The following CD109 variants were observed in gnomAD, a reference collection of about 807,000 sequenced individuals.
CD109 encodes CD109 antigen.
A neutral mutation model predicts 165.8 loss-of-function variants in CD109; 149 were observed. The ratio of observed to expected loss-of-function variants is 0.90; its 90% CI spans 0.79 to 1.03. CD109 has a LOEUF of 1.03. Among genes scored for constraint, CD109 ranks in the 50% least tolerant of loss-of-function variants. CD109 has a pLI of 0.00. For missense variants in CD109, 1,712 were observed against 1,677.8 expected, an observed-to-expected ratio of 1.02 and a Z score of -0.36; for synonymous variants, 585 against 592.1, an observed-to-expected ratio of 0.99 and a Z score of 0.18.
intron 2 of CD109, among the ~76,000 whole-genome samples, chr6:73,702,934 A>G (rs1314089881): frequency 6.6e-6 from 1 of 152,240 alleles, no homozygotes; most frequent in Admixed American, 6.5e-5. Flanking sequence ...CGGGAACTCT[A>G]TAAAAGACAC....
rs550668649 is a variant in CD109, at chr6:73,701,823, C to T, written c.247+4251C>T. ...GAGGCTGAGTGCAGTGGCTCACAACCGTAATCCCAGAGCTTGGGAGGCTGA... is the reference window on the plus strand; with the variant it reads ...GAGGCTGAGTGCAGTGGCTCACAACTGTAATCCCAGAGCTTGGGAGGCTGA... On this transcript the variant is annotated intron_variant, in intron 2 of 32. Transcript: ENST00000287097. 5.3e-5 allele frequency among the ~76,000 whole-genome samples: 8 copies of T among 152,150 alleles called. No individual in the cohort carries two copies. The South Asian group carries it at 1.2e-3, about 24-fold the overall frequency.
Position 73,787,514 on chromosome 6 carries a change from G to GTT in CD109, c.2556+67_2556+68dup, listed in dbSNP as rs35066559. 46 of 1,318,734 alleles carry GTT rather than the reference G, an allele frequency of 3.5e-5. No individual in the cohort carries two copies. In the South Asian group the frequency reaches 5.2e-4, roughly 15 times the overall value. 81.7% of individuals were successfully genotyped at this position (1,318,734 alleles called of 1,614,324 possible). Reference sequence around the variant, plus strand: ...TACGTAATTAAAAAGGAAGCAGAAGGTTTTTTCTCTTGGTTAAATTTGTTG... The same window carrying GTT: ...TACGTAATTAAAAAGGAAGCAGAAGGTTTTTTTTCTCTTGGTTAAATTTGTTG... On this transcript the variant is annotated intron_variant, in intron 21 of 32. Transcript: ENST00000287097.
intron 2 of CD109, among the ~76,000 whole-genome samples, chr6:73,704,046 G>T (rs1433373163): frequency 2.6e-5 from 4 of 152,046 alleles, no homozygotes; most frequent in Non-Finnish European, 5.9e-5. Context: ...TTAGCCAGGT[G>T]TGGTGGTGGG....
Position 73,762,403 on chromosome 6 carries a change from G to A in CD109, c.778G>A (p.Val260Met). The A allele has an allele frequency of 1.2e-6, 2 of 1,608,752 alleles. No homozygotes were observed. The highest frequency in any genetic ancestry group is 1.1e-5 in the South Asian group (1 of 90,686). Residue 260 changes from valine (V) to methionine (M), a missense_variant, in exon 8 of 33, where the codon GTG (valine) becomes ATG (methionine). Physicochemically the swap from Val to Met is conservative, Grantham distance 21. Coordinates refer to ENST00000287097, the MANE Select transcript of CD109 (RefSeq NM_133493.5). ...ATTCAGGTATACATATGGGAAGCCA[G>A]TGAAAGGAGACGTAACGCTTACATT... ...ITAKYTYGKP[V>M]KGDVTLTFLP...
At chr6:73,681,559 T>C in the CD109 span, among the ~76,000 whole-genome samples, 105 of 151,602 alleles carry the variant, frequency 6.9e-4, no homozygotes, top group African/African-American at 2.4e-3. Flanking sequence ...ATGTCTTACA[T>C]GGATGGCAGC....
chr6:73,686,423 C>T, the CD109 span, among the ~76,000 whole-genome samples: 1 of 152,206 alleles, frequency 6.6e-6, no homozygotes, highest in African/African-American at 2.4e-5. Flanking sequence ...CGTTCCTTCA[C>T]ATTTCCTTGC....
At chr6:73,791,486 T>TA (rs1327711533) in intron 22 of CD109, among the ~76,000 whole-genome samples, 1 of 151,628 alleles carries the variant, frequency 6.6e-6, no homozygotes, top group Non-Finnish European at 1.5e-5. Context: ...CACGCACACA[T>TA]ATACACAGAG....
At chr6:73,684,825 C>T in the CD109 span, among the ~76,000 whole-genome samples, 37 of 152,200 alleles carry the variant, frequency 2.4e-4, no homozygotes, top group African/African-American at 5.3e-4. Context: ...GCTGGGACCA[C>T]GCTACCATGT....
chr6:73,761,416 TGGTCAGA>T (rs1346650929), intron 7 of CD109, among the ~76,000 whole-genome samples: 1 of 152,226 alleles, frequency 6.6e-6, no homozygotes, highest in African/African-American at 2.4e-5. Context: ...GTCTTTCAGA[TGGTCAGA>T]GGTTGGGCAG....
intron 23 of CD109, among the ~76,000 whole-genome samples, chr6:73,799,368 T>C (rs1193166133): frequency 1.3e-5 from 2 of 152,216 alleles, no homozygotes; most frequent in African/African-American, 2.4e-5. Flanking sequence ...CTTTTCTTTC[T>C]CCCTACCTCT....
At chr6:73,695,027 CCA>C (rs1238414816), upstream of CD109, 1 of 152,260 alleles carries the variant, frequency 6.6e-6, no homozygotes, top group Non-Finnish European at 1.5e-5. Context: ...ATTCCCCAAA[CCA>C]CAGTTTGTCT....
intron 14 of CD109, among the ~76,000 whole-genome samples, chr6:73,769,876 G>A (rs1172632869): frequency 6.6e-6 from 1 of 152,158 alleles, no homozygotes. Flanking sequence ...GGTTTGAGAG[G>A]CATGTCAGAA....
rs189349554 is a variant in CD109, at chr6:73,771,655, A to C, written c.1827+74A>C. ...GAGGAAACTTTATTGTACTACTTTA[A>C]ATATTTAAAGAAAATTTCATTAGTT... On this transcript the variant is annotated intron_variant, in intron 15 of 32. Coordinates refer to ENST00000287097, the MANE Select transcript of CD109 (RefSeq NM_133493.5). 8 of 1,047,482 alleles carry C rather than the reference A, an allele frequency of 7.6e-6. No homozygotes were observed. In the African/African-American group the frequency reaches 1.3e-4, roughly 17 times the overall value. 64.9% of individuals were successfully genotyped at this position (1,047,482 alleles called of 1,614,324 possible).
chr6:73,751,804 C>T (rs1225107278), intron 5 of CD109, among the ~76,000 whole-genome samples: 3 of 152,218 alleles, frequency 2.0e-5, no homozygotes, highest in South Asian at 2.1e-4. Context: ...CCTAGCTCAT[C>T]GAAAGCTCTC....
At chr6:73,741,471 T>C (rs1772782942) in intron 5 of CD109, among the ~76,000 whole-genome samples, 1 of 152,356 alleles carries the variant, frequency 6.6e-6, no homozygotes, top group Middle Eastern at 3.4e-3. Flanking sequence ...AGGTACATTA[T>C]AAGTTGAGTG....
rs1248939783 is a variant in CD109, at chr6:73,803,276, A to G, written c.2935A>G (p.Asn979Asp). The change falls in exon 24 of 33, where the codon AAT becomes GAT. Residue 979 changes from asparagine to aspartate, a missense_variant. Coordinates refer to ENST00000287097, the MANE Select transcript of CD109 (RefSeq NM_133493.5). The stretch of plus-strand genomic sequence containing the variant: ...AGATGGCTCTTTCAGTGCTTTTGGG[A>G]ATTATGACCCTTCTGGGAGCACTTG... ...REDGSFSAFGNYDPSGSTWLS... is the reference protein window; with the variant it reads ...REDGSFSAFGDYDPSGSTWLS... 4.3e-6 allele frequency: 7 copies of G among 1,610,536 alleles called. No homozygotes were observed. Among genetic ancestry groups the G allele is most frequent in the Non-Finnish European group, 5.9e-6 (7 of 1,179,078 alleles).
chr6:73,802,289 G>GTGTGTA (rs71542231), intron 23 of CD109, among the ~76,000 whole-genome samples: 25 of 78,196 alleles, frequency 3.2e-4, no homozygotes, highest in African/African-American at 1.3e-3. Context: ...GTGTGTGTGT[G>GTGTGTA]TATATATATA....
At chr6:73,813,534 C>T (rs3005484) in intron 29 of CD109, among the ~76,000 whole-genome samples, 88,410 of 151,394 alleles carry the variant, frequency 0.58, 26,592 homozygotes, top group African/African-American at 0.74. Context: ...TAGTAGGCAC[C>T]TCTCATGAGG....
intron 31 of CD109, 50 bp from the exon 32 acceptor site, chr6:73,820,411 C>A: frequency 1.0e-6 from 1 of 971,270 alleles, no homozygotes; most frequent in Non-Finnish European, 1.6e-6. Context: ...TTTACTTAAT[C>A]ATGAACACAC....
Sources: allele counts gnomAD v4.1 joint callset (sites outside exome capture counted in the v4.1 genomes callset), GRCh38; gene constraint gnomAD v4.1.1; transcripts MANE v1.5; gene names NCBI Gene and HGNC (gene_info 2026-07-23, HGNC 2026-07-21).